MCF2L: variants seen among roughly 807,000 people sequenced by gnomAD.
MCF2L encodes the protein guanine nucleotide exchange factor DBS.
A neutral mutation model predicts 153.4 loss-of-function variants in MCF2L; 97 were observed. That is an observed-to-expected ratio of 0.63 (90% confidence interval 0.54 to 0.75). MCF2L has a LOEUF of 0.75. MCF2L is among the 30% of genes least tolerant of loss of function. MCF2L has a pLI of 0.00. For synonymous variants in MCF2L, 659 were observed against 632.2 expected (o/e 1.04, Z -0.64); for missense variants, 1,347 against 1,495.2 (o/e 0.90, Z 1.64).
At chr13:113,077,696 G>T (rs943069535) in intron 13 of MCF2L, among the ~76,000 whole-genome samples, 1 of 152,182 alleles carries the variant, frequency 6.6e-6, no homozygotes, top group Non-Finnish European at 1.5e-5. Context: ...AGTCCGGCGC[G>T]CATTGCTGGT....
intron 1 of MCF2L, among the ~76,000 whole-genome samples, chr13:112,984,804 A>T (rs981293046): frequency 1.4e-4 from 22 of 152,246 alleles, no homozygotes; most frequent in Admixed American, 5.9e-4. Flanking sequence ...GGAAGGGGAG[A>T]GGGCGTCAGG....
intron 1 of MCF2L, chr13:113,002,132 T>G: frequency 6.1e-6 from 6 of 982,292 alleles, no homozygotes; most frequent in Non-Finnish European, 4.2e-6. Context: ...ATGCCGGGGA[T>G]GGATGTTGGG....
chr13:113,033,183 G>A (rs1249783004), intron 3 of MCF2L, among the ~76,000 whole-genome samples: 1 of 126,600 alleles, frequency 7.9e-6, no homozygotes, highest in Admixed American at 8.0e-5. Context: ...CCCATGACGT[G>A]AGTGGACCCC....
rs746052424 is a variant in MCF2L at position 112,951,189 on chromosome 13, G to T, written c.169+48818G>T. 1.3e-5 allele frequency among the ~76,000 whole-genome samples: 2 copies of T among 152,206 alleles called. No individual in the cohort carries two copies. Among genetic ancestry groups the T allele is most frequent in the Non-Finnish European group, 2.9e-5 (2 of 68,032 alleles). The stretch of plus-strand genomic sequence containing the variant: ...CACCCTCAGGAGAGCTAAGATAAAA[G>T]ATAGTGCCAACTTCGAATGCTGGCA... On this transcript the variant is annotated intron_variant, in intron 2 of 29. Transcript: ENST00000375608. This position sits in a 1 kb window ranked among gnomAD's most constrained non-coding sequence, Gnocchi z 4.8.
intron 2 of MCF2L, among the ~76,000 whole-genome samples, chr13:112,914,428 C>T (rs2185000): frequency 0.9 from 137,672 of 152,302 alleles, 63,919 homozygotes; most frequent in East Asian, 1. Context: ...ATGGGCACTA[C>T]TGTAGTGGTG....
chr13:113,062,154 T>G (rs972840172), intron 5 of MCF2L, among the ~76,000 whole-genome samples: 1 of 151,796 alleles, frequency 6.6e-6, no homozygotes, highest in Non-Finnish European at 1.5e-5. Context: ...AGCCTTAGTG[T>G]CTGAACAGTC....
intron 1 of MCF2L, among the ~76,000 whole-genome samples, chr13:112,895,519 T>C (rs953029992): frequency 1.3e-5 from 2 of 152,064 alleles, no homozygotes; most frequent in African/African-American, 4.8e-5. Context: ...GAGGAGCCTC[T>C]AGCCCCCAGG....
At chr13:113,069,745 A>G (rs1053009091) in intron 8 of MCF2L, among the ~76,000 whole-genome samples, 1 of 152,250 alleles carries the variant, frequency 6.6e-6, no homozygotes, top group Non-Finnish European at 1.5e-5. Flanking sequence ...TTTTAAAAAA[A>G]GTTTTTAAAC....
intron 1 of MCF2L, among the ~76,000 whole-genome samples, chr13:112,996,219 C>CAGG (rs1169260100): frequency 1.3e-5 from 2 of 152,152 alleles, no homozygotes; most frequent in East Asian, 3.9e-4. Flanking sequence ...CCCCAGGAGA[C>CAGG]TAAGGCGGGA....
rs1255908030 is a variant in MCF2L, at chr13:113,074,784, C to A, written c.1117-214C>A. On this transcript the variant is annotated intron_variant, in intron 10 of 29. Coordinates refer to ENST00000535094, the MANE Select transcript of MCF2L (RefSeq NM_001112732.3). The surrounding 1 kb of genome is among the most constrained non-coding windows in gnomAD (Gnocchi z 4.2). ...CGGCCTCCTCTGGGTCAGGTCCCTG[C>A]AGACGGTCAATGCCTTTGCTGGGAC... 6.6e-6 allele frequency among the ~76,000 whole-genome samples: 1 copy of A among 152,172 alleles called. No individual in the cohort carries two copies. Among genetic ancestry groups the A allele is most frequent in the Admixed American group, 6.5e-5 (1 of 15,280 alleles).
rs566610758 is a variant in MCF2L at position 112,904,010 on chromosome 13, C to T, written c.169+1639C>T. The stretch of plus-strand genomic sequence containing the variant: ...CAACTGGAAGGTTGCTGAGTCTTCC[C>T]GCGCTCAGCTTGGCTGTGAATTAAC... On this transcript the variant is annotated intron_variant, in intron 2 of 29. Coordinates refer to the MCF2L transcript ENST00000375608. This position sits in a 1 kb window ranked among gnomAD's most constrained non-coding sequence, Gnocchi z 4.2. Among the ~76,000 whole-genome samples the T allele has an allele frequency of 3.9e-5, 6 of 152,248 alleles. No homozygotes were observed. In the East Asian group the frequency reaches 7.7e-4, roughly 20 times the overall value.
chr13:113,066,154 C>T lies in MCF2L; in HGVS notation c.865C>T (p.Gln289Ter), dbSNP rs771325190. 6.2e-7 allele frequency: 1 copy of T among 1,612,282 alleles called. No homozygotes were observed. Among genetic ancestry groups the T allele is most frequent in the African/African-American group, 1.3e-5 (1 of 74,944 alleles). Residue 289 changes from glutamine (Q) to a stop codon, truncating the protein, a stop_gained, in exon 8 of 30, where the codon CAG becomes TAG. Transcript: ENST00000535094. LOFTEE classifies it high-confidence loss of function. ...TGTGAACCAGGACCAGCTTGACAAC[C>T]AGGCCACCGTGCAGAGGTGAGGCCC... ...PSVNQDQLDN[Q>*]ATVQRLLAQL...
intron 1 of MCF2L, among the ~76,000 whole-genome samples, chr13:112,901,236 C>T (rs891723348): frequency 2.6e-5 from 4 of 152,196 alleles, no homozygotes; most frequent in Non-Finnish European, 4.4e-5. Flanking sequence ...TCACTGCAAC[C>T]TCCGCCTCCT....
intron 3 of MCF2L, among the ~76,000 whole-genome samples, chr13:113,033,278 G>A: frequency 7.2e-6 from 1 of 139,134 alleles, no homozygotes; most frequent in Non-Finnish European, 1.5e-5. Flanking sequence ...GGCGTGAGTG[G>A]CCCCTGTGAC....
intron 26 of MCF2L, 53 bp downstream of exon 26, chr13:113,089,781 C>T: frequency 6.3e-7 from 1 of 1,597,744 alleles, no homozygotes; most frequent in South Asian, 1.1e-5. Context: ...CGGAGCTGCT[C>T]ACGGAGTGCT....
intron 1 of MCF2L, among the ~76,000 whole-genome samples, chr13:112,999,918 C>T (rs1306749216): frequency 4.6e-5 from 7 of 151,364 alleles, no homozygotes; most frequent in African/African-American, 1.2e-4. Context: ...GAAGTGCGGG[C>T]GGCGAGTGGG....
Position 113,096,825 on chromosome 13 carries a change from G to A in MCF2L, c.3344G>A (p.Gly1115Asp). Residue 1115 changes from glycine (G) to aspartate (D), a missense_variant, in exon 30 of 30, where the codon GGC becomes GAC. Gly to Asp is a moderately conservative substitution (Grantham distance 94, BLOSUM62 -1). Transcript: ENST00000535094. ...AGCAACTCGTCCAGCTGCAGCGAGG[G>A]CGGCCAGGCCCCCTTCTCCGACCTG... ...VLSNSSSCSE[G>D]GQAPFSDLQG The A allele has an allele frequency of 2.0e-6, 3 of 1,531,884 alleles. No individual in the cohort carries two copies. The highest frequency in any genetic ancestry group is 2.6e-6 in the Non-Finnish European group (3 of 1,149,806). 94.9% of individuals were successfully genotyped at this position (1,531,884 alleles called of 1,614,324 possible).
chr13:113,087,468 C>G lies in MCF2L; in HGVS notation c.2595+12C>G. The G allele has an allele frequency of 6.3e-7, 1 of 1,585,230 alleles. No individual in the cohort carries two copies. Among genetic ancestry groups the G allele is most frequent in the Non-Finnish European group, 8.6e-7 (1 of 1,161,328 alleles). On this transcript the variant is annotated intron_variant, in intron 22 of 29. Transcript: ENST00000535094. ...AGCAGTCCTTAAACGTAAGTGAGGC[C>G]GGGTCTGCAGCAGCACGCTCCTGGC...
chr13:112,906,072 T>C (rs1243896902), intron 2 of MCF2L, among the ~76,000 whole-genome samples: 2 of 152,342 alleles, frequency 1.3e-5, no homozygotes, highest in Admixed American at 6.5e-5. Context: ...GCCTGGGTCC[T>C]GCTGGGTAAA....
Sources: gnomAD v4.1 joint callset for allele counts (sites outside exome capture counted in the v4.1 genomes callset) on GRCh38, gnomAD v4.1.1 for gene constraint, Gnocchi (gnomAD v3.1) non-coding constraint, MANE v1.5 for transcripts, NCBI Gene and HGNC (gene_info 2026-07-23, HGNC 2026-07-21) for gene names.